Variants in CFAP221 observed in about 807,000 individuals in gnomAD.
CFAP221 encodes the protein cilia- and flagella-associated protein 221.
Under a neutral mutation model 113.1 loss-of-function variants are expected in CFAP221, and 97 were observed. The ratio of observed to expected loss-of-function variants is 0.86; its 90% CI spans 0.73 to 1.02. CFAP221 has a LOEUF of 1.02. Among genes scored for constraint, CFAP221 ranks in the 50% least tolerant of loss-of-function variants. CFAP221 has a pLI of 0.00. For missense variants in CFAP221, 1,025 were observed against 1,013.4 expected (o/e 1.01, Z -0.16); for synonymous variants, 331 against 354.4 (o/e 0.93, Z 0.74).
At chr2:119,584,346 G>A (rs1420372361) in intron 6 of CFAP221, among the ~76,000 whole-genome samples, 1 of 152,088 alleles carries the variant, frequency 6.6e-6, no homozygotes, top group Admixed American at 6.6e-5. Context: ...CAGCACTTTT[G>A]GTGGCCAAGG....
At chr2:119,565,587 T>C (rs968171702) in intron 6 of CFAP221, among the ~76,000 whole-genome samples, 8 of 152,216 alleles carry the variant, frequency 5.3e-5, no homozygotes, top group African/African-American at 1.9e-4. Flanking sequence ...CACCATTCAT[T>C]TGTAACCAGA....
intron 6 of CFAP221, among the ~76,000 whole-genome samples, chr2:119,577,312 G>A (rs554789533): frequency 1.3e-5 from 2 of 152,262 alleles, no homozygotes; most frequent in South Asian, 4.2e-4. Flanking sequence ...TGGGAATTGG[G>A]GCTTCCACAT....
At chr2:119,570,480 AT>A (rs772528363) in intron 6 of CFAP221, among the ~76,000 whole-genome samples, 25 of 152,296 alleles carry the variant, frequency 1.6e-4, no homozygotes, top group Non-Finnish European at 2.9e-4. Context: ...AGTTTAGAAC[AT>A]TTTTATAACC....
rs1225527994 is a variant in CFAP221, at chr2:119,656,520, G to A, written c.*50G>A. On this transcript the variant is annotated 3_prime_UTR_variant, in exon 24 of 24. Transcript: ENST00000413369. ...CCATTTGCTTTCCGTGGGCCACTGT[G>A]GCCCCTTGCGTCCATTTACATGCCA... 1 of 1,318,516 alleles carries A rather than the reference G, an allele frequency of 7.6e-7. No homozygotes were observed. Among genetic ancestry groups the A allele is most frequent in the East Asian group, 2.3e-5 (1 of 42,760 alleles). The allele number at this position is 1,318,516 out of a possible 1,614,324, so 81.7% of individuals were successfully genotyped here.
In CFAP221 at chr2:119,605,233, C is replaced by T. The variant is rs536158307; in HGVS notation, c.1077C>T (p.Leu359=). Residue 359 remains leucine (L), a synonymous_variant, in exon 11 of 24, where the codon CTC becomes CTT. Coordinates refer to ENST00000413369, the MANE Select transcript of CFAP221 (RefSeq NM_001271049.2). ...ISKTRQMKEA[L]FEQKVRQDIH... ...AAACGAGACAGATGAAGGAGGCACT[C>T]TTTGAACAGAAAGTCAGACAGGACA... The T allele has an allele frequency of 2.5e-6, 4 of 1,614,172 alleles. No individual in the cohort carries two copies. In the African/African-American group the frequency reaches 4.0e-5, roughly 16 times the overall value.
chr2:119,553,368 G>A (rs1680563436), intron 3 of CFAP221, among the ~76,000 whole-genome samples: 1 of 152,168 alleles, frequency 6.6e-6, no homozygotes, highest in African/African-American at 2.4e-5. Flanking sequence ...TAATGGAGAA[G>A]GTGAGACATG....
chr2:119,565,264 A>G (rs1198957584), intron 6 of CFAP221, among the ~76,000 whole-genome samples: 1 of 152,184 alleles, frequency 6.6e-6, no homozygotes, highest in Non-Finnish European at 1.5e-5. Context: ...CCTTCCTTGC[A>G]GGGTCCACTC....
downstream of CFAP221, among the ~76,000 whole-genome samples, chr2:119,659,465 G>A (rs1688546988): frequency 6.6e-6 from 1 of 152,252 alleles, no homozygotes; most frequent in African/African-American, 2.4e-5. Context: ...CATTACGATG[G>A]CTCTAAATAC....
intron 6 of CFAP221, among the ~76,000 whole-genome samples, chr2:119,569,997 A>G (rs1453951459): frequency 6.6e-6 from 1 of 152,190 alleles, no homozygotes; most frequent in African/African-American, 2.4e-5. Context: ...TCTGGTTCTG[A>G]TGCTTCCTTT....
At chr2:119,631,534 A>T (rs1462295991) in intron 19 of CFAP221, among the ~76,000 whole-genome samples, 1 of 151,956 alleles carries the variant, frequency 6.6e-6, no homozygotes, top group African/African-American at 2.4e-5. Context: ...AATTAGCCAA[A>T]CGCGGTGGCA....
At chr2:119,551,548 C>T (rs968435348) in intron 3 of CFAP221, among the ~76,000 whole-genome samples, 16 of 152,118 alleles carry the variant, frequency 1.1e-4, no homozygotes, top group Non-Finnish European at 2.2e-4. Context: ...GGCCCTCTTG[C>T]TGAAAATCAA....
chr2:119,628,289 T>TCTGG (rs376279965), intron 16 of CFAP221, among the ~76,000 whole-genome samples: 31 of 8,904 alleles, frequency 3.5e-3, no homozygotes, highest in South Asian at 0.017. Flanking sequence ...TCTCTCTCTC[T>TCTGG]GGGGGGTGTG....
chr2:119,648,035 C>T (rs2104809047), intron 22 of CFAP221, among the ~76,000 whole-genome samples: 1 of 152,310 alleles, frequency 6.6e-6, no homozygotes, highest in Non-Finnish European at 1.5e-5. Context: ...CCAATGTCCT[C>T]ATTTTCAAAT....
rs932669024 is a variant in CFAP221, at chr2:119,546,271, G to GT, written c.139+2dup. 51 of 1,533,392 alleles carry GT rather than the reference G, an allele frequency of 3.3e-5. No individual in the cohort carries two copies. Among genetic ancestry groups the GT allele is most frequent in the Non-Finnish European group, 4.3e-5 (49 of 1,146,106 alleles). The allele number at this position is 1,533,392 out of a possible 1,614,324, so 95.0% of individuals were successfully genotyped here. A position where few individuals can be genotyped will look rare whatever the true frequency, so the allele number is the denominator to read the frequency against. On this transcript the variant is annotated splice_donor_variant, in intron 2 of 23. Transcript: ENST00000413369. LOFTEE classifies it high-confidence loss of function. ...GTACCTAATCACCTCCTAGAATCAAGTAAGTGGCTAGAAGACAGATTTGCT... is the reference window on the plus strand; with the variant it reads ...GTACCTAATCACCTCCTAGAATCAAGTTAAGTGGCTAGAAGACAGATTTGCT...
At chr2:119,579,814 T>C (rs972050876) in intron 6 of CFAP221, among the ~76,000 whole-genome samples, 1 of 152,228 alleles carries the variant, frequency 6.6e-6, no homozygotes, top group Non-Finnish European at 1.5e-5. Flanking sequence ...AGTTTTTGTT[T>C]GTTTCAATTC....
intron 14 of CFAP221, among the ~76,000 whole-genome samples, chr2:119,619,110 C>T (rs944857654): frequency 4.6e-5 from 7 of 152,214 alleles, no homozygotes; most frequent in African/African-American, 1.7e-4. Context: ...GATAAGACTC[C>T]CATCTCCCTG....
chr2:119,652,182 G>C, intron 23 of CFAP221, 113 bp downstream of exon 23: 1 of 682,670 alleles, frequency 1.5e-6, no homozygotes, highest in Admixed American at 3.4e-5. Context: ...CTTTGAAAGA[G>C]ACACATTTCT....
chr2:119,603,443 T>A (rs1482269838), intron 8 of CFAP221, among the ~76,000 whole-genome samples: 1 of 152,140 alleles, frequency 6.6e-6, no homozygotes, highest in African/African-American at 2.4e-5. Flanking sequence ...AAGGGACACG[T>A]TCTCCCATGC....
At chr2:119,577,764 C>G (rs192975145) in intron 6 of CFAP221, among the ~76,000 whole-genome samples, 9 of 152,192 alleles carry the variant, frequency 5.9e-5, no homozygotes, top group Admixed American at 4.6e-4. Context: ...TTTAAGATTG[C>G]CAAATTAAGA....
Sources: gnomAD v4.1 joint callset for allele counts (sites outside exome capture counted in the v4.1 genomes callset) on GRCh38, gnomAD v4.1.1 for gene constraint, MANE v1.5 for transcripts, NCBI Gene and HGNC (gene_info 2026-07-23, HGNC 2026-07-21) for gene names.